LONP1: variants seen among roughly 807,000 people sequenced by gnomAD.
The protein encoded by LONP1 is lon protease homolog, mitochondrial.
A neutral mutation model predicts 98.5 loss-of-function variants in LONP1; 31 were observed. That is an observed-to-expected ratio of 0.31 (90% CI 0.24 to 0.42). LONP1 has a LOEUF of 0.42. Among genes scored for constraint, LONP1 ranks in the 20% least tolerant of loss-of-function variants. The probability of loss-of-function intolerance (pLI) is 1.00; values close to 1 mark genes in which losing one functional copy is unlikely to be tolerated. For synonymous variants in LONP1, 781 were observed against 594.7 expected (o/e 1.31, Z -4.56); for missense variants, 1,336 against 1,350.6 (o/e 0.99, Z 0.17).
At chr19:5,701,137 G>A (rs1205334947) in intron 8 of LONP1, among the ~76,000 whole-genome samples, 1 of 152,050 alleles carries the variant, frequency 6.6e-6, no homozygotes, top group Non-Finnish European at 1.5e-5. Flanking sequence ...AACTCAGCAA[G>A]ACCCCATCTC....
chr19:5,718,984 T>A (rs2055374661), intron 1 of LONP1, among the ~76,000 whole-genome samples: 1 of 152,172 alleles, frequency 6.6e-6, no homozygotes, highest in South Asian at 2.1e-4. Flanking sequence ...CTCTACTATT[T>A]CTCGTAATTA....
intron 1 of LONP1, among the ~76,000 whole-genome samples, chr19:5,716,253 A>AAATAT (rs2055316357): frequency 1.4e-5 from 1 of 71,720 alleles, no homozygotes; most frequent in South Asian, 5.7e-4. Context: ...ATAAAGTTAA[A>AAATAT]ATATACATAT....
At chr19:5,711,327 G>A (rs1490151219) in intron 4 of LONP1, among the ~76,000 whole-genome samples, 1 of 152,252 alleles carries the variant, frequency 6.6e-6, no homozygotes, top group Non-Finnish European at 1.5e-5. Context: ...CTCGGAAGCT[G>A]ACTCCTTGTG....
At chr19:5,718,340 C>T (rs2055355983) in intron 1 of LONP1, among the ~76,000 whole-genome samples, 3 of 151,946 alleles carry the variant, frequency 2.0e-5, no homozygotes, top group South Asian at 2.1e-4. Context: ...TAGCCAGCCA[C>T]GGTGGCGGGC....
At chr19:5,714,325 C>CA (rs1241892351) in intron 1 of LONP1, 54 bp from the exon 2 acceptor site, 1 of 1,238,840 alleles carries the variant, frequency 8.1e-7, no homozygotes, top group Non-Finnish European at 1.2e-6. Flanking sequence ...TTTTTTGAGA[C>CA]AGAGTCTCAT....
Position 5,697,293 on chromosome 19 carries a change from C to T in LONP1, c.1686-536G>A, listed in dbSNP as rs1234017881. Among the ~76,000 whole-genome samples the T allele has an allele frequency of 2.0e-5, 3 of 151,800 alleles. No homozygotes were observed. The South Asian group carries it at 6.2e-4, about 32-fold the overall frequency. On this transcript the variant is annotated intron_variant, in intron 10 of 17. Coordinates refer to ENST00000360614, the MANE Select transcript of LONP1 (RefSeq NM_004793.4). ...GGCAGGGATGGAGGGACTGAGATGC[C>T]ACTGGGATGTGTGTGACACTTTAAG...
intron 14 of LONP1, 55 bp from the exon 15 acceptor site, chr19:5,694,607 G>A (rs1407796231): frequency 1.4e-5 from 21 of 1,500,300 alleles, no homozygotes; most frequent in Non-Finnish European, 1.8e-5. Flanking sequence ...CAGGTGCGGG[G>A]TGGTGGGGTG....
intron 1 of LONP1, 98 bp from the exon 2 acceptor site, chr19:5,714,369 C>A: frequency 1.3e-6 from 1 of 799,196 alleles, no homozygotes; most frequent in Non-Finnish European, 2.1e-6. Flanking sequence ...ATGGCGTGAT[C>A]TCAGCTCACT....
rs968154826 is a variant in LONP1 at position 5,700,823 on chromosome 19, T to C, written c.1472A>G (p.His491Arg). 1 of 1,614,212 alleles carries C rather than the reference T, an allele frequency of 6.2e-7. No individual in the cohort carries two copies. Among genetic ancestry groups the C allele is most frequent in the East Asian group, 2.2e-5 (1 of 44,890 alleles). ...ARAQAVLEED[H>R]YGMEDVKKRI... is the part of the protein sequence containing the mutation. ...TTTCTTGACGTCCTCCATGCCGTAG[T>C]GGTCTTCCTCCAGCACTGCCTGTGC... The change falls in exon 9 of 18, where the codon CAC becomes CGC. Residue 491 changes from histidine (H) to arginine (R), a missense_variant. Transcript: ENST00000360614.
rs1453917253 is a variant in LONP1 at position 5,696,075 on chromosome 19, C to T, written c.1992G>A (p.Gln664=). Residue 664 remains glutamine, a synonymous_variant, in exon 13 of 18, where the codon CAG becomes CAA. Coordinates refer to ENST00000360614, the MANE Select transcript of LONP1 (RefSeq NM_004793.4). ...TTACCTCCGCAATGGCCAGCTTCTC[C>T]TGGGCCACGTAGCCCGACACGTTGA... The part of the protein sequence containing the change: ...EMINVSGYVA[Q]EKLAIAERYL... The T allele has an allele frequency of 1.2e-6, 2 of 1,612,846 alleles. No individual in the cohort carries two copies. The highest frequency in any genetic ancestry group is 1.7e-6 in the Non-Finnish European group (2 of 1,179,886).
At chr19:5,700,752 A>G in intron 9 of LONP1, 37 bp downstream of exon 9, 1 of 1,612,056 alleles carries the variant, frequency 6.2e-7, no homozygotes, top group Non-Finnish European at 8.5e-7. Flanking sequence ...CCGGGCACCC[A>G]CATGCAAATC....
chr19:5,698,929 G>A (rs561401292), intron 10 of LONP1, 98 bp downstream of exon 10: 459 of 1,287,460 alleles, frequency 3.6e-4, no homozygotes, highest in East Asian at 7.9e-4. Context: ...CCCACAACCC[G>A]GATTGCTCTA....
At chr19:5,697,851 C>T (rs983542043) in intron 10 of LONP1, among the ~76,000 whole-genome samples, 1 of 152,076 alleles carries the variant, frequency 6.6e-6, no homozygotes, top group Admixed American at 6.5e-5. Context: ...AGAGGTGACC[C>T]AGGCTTGTTC....
rs1278160830 is a variant in LONP1, at chr19:5,706,000, G to A, written c.1147-8C>T. On this transcript the variant is annotated splice_region_variant and splice_polypyrimidine_tract_variant and intron_variant, in intron 7 of 17. Coordinates refer to ENST00000360614, the MANE Select transcript of LONP1 (RefSeq NM_004793.4). ...CTTGATCTTCTCCTCCACCTGTGGG[G>A]TGAGGTGCTGCCATCAGGCCCTGGC... is the stretch of plus-strand genomic sequence containing the variant. 6 of 1,600,764 alleles carry A rather than the reference G, an allele frequency of 3.7e-6. No individual in the cohort carries two copies. The highest frequency in any genetic ancestry group is 4.5e-5 in the East Asian group (2 of 44,796).
At chr19:5,715,322 T>C (rs1473967592) in intron 1 of LONP1, among the ~76,000 whole-genome samples, 2 of 151,316 alleles carry the variant, frequency 1.3e-5, no homozygotes, top group Non-Finnish European at 2.9e-5. Context: ...ACTCCAGAGA[T>C]TGATAACTTC....
chr19:5,712,196 AC>A, intron 3 of LONP1, 194 bp from the exon 4 acceptor site: 1 of 557,988 alleles, frequency 1.8e-6, no homozygotes, highest in East Asian at 2.9e-5. Flanking sequence ...TGTCCCCTCC[AC>A]CCCTTAGACT....
chr19:5,702,092 C>A lies in LONP1; in HGVS notation c.1368-1165G>T, dbSNP rs1245118666. On this transcript the variant is annotated intron_variant, in intron 8 of 17. Coordinates refer to ENST00000360614, the MANE Select transcript of LONP1 (RefSeq NM_004793.4). ...GAGGGAGGTGGGGGGGTCAGCCCCC[C>A]ACCCGGCCAGCCGCCCCGTCCGGGA... Among the ~76,000 whole-genome samples, 243 of 150,894 alleles carry A rather than the reference C, an allele frequency of 1.6e-3. 1 individual carries two copies. The highest frequency in any genetic ancestry group is 4.7e-3 in the African/African-American group (195 of 41,228).
chr19:5,698,268 T>G (rs1401559639), intron 10 of LONP1, among the ~76,000 whole-genome samples: 1 of 152,044 alleles, frequency 6.6e-6, no homozygotes, highest in East Asian at 1.9e-4. Context: ...GAGCTGGGGA[T>G]GTTTTTAGAG....
intron 1 of LONP1, among the ~76,000 whole-genome samples, chr19:5,715,660 AAAAAAAAAAAAAAAAAAAAG>A (rs2055306508): frequency 1.7e-5 from 2 of 114,922 alleles, no homozygotes; most frequent in South Asian, 3.1e-4. Context: ...AAAAAAAAAA[AAAAAAAAAAAAAAAAAAAAG>A]AAAGTTTCAC....
Sources: gnomAD v4.1 joint callset for allele counts (sites outside exome capture counted in the v4.1 genomes callset) on GRCh38, gnomAD v4.1.1 for gene constraint, MANE v1.5 for transcripts, NCBI Gene and HGNC (gene_info 2026-07-23, HGNC 2026-07-21) for gene names.